The following ZFP41 variants were observed in gnomAD, a reference collection of about 807,000 sequenced individuals.
The protein encoded by ZFP41 is ZFP41 zinc finger protein.
ZFP41 carries 10 observed loss-of-function variants against 11.6 expected under a neutral mutation model. That is an observed-to-expected ratio of 0.86 (90% CI 0.53 to 1.47). The LOEUF (loss-of-function observed/expected upper bound fraction) is 1.47, where lower values mean the gene tolerates loss of function less well. ZFP41 is among the 40% of genes most tolerant of loss of function. The probability of loss-of-function intolerance (pLI) is 0.00; values close to 1 mark genes in which losing one functional copy is unlikely to be tolerated. For missense variants in ZFP41, 302 were observed against 264.6 expected (o/e 1.14, Z -0.98); for synonymous variants, 123 against 100.9 (o/e 1.22, Z -1.31).
intron 2 of ZFP41, among the ~76,000 whole-genome samples, chr8:143,255,344 C>T (rs1814880585): frequency 6.6e-6 from 1 of 152,244 alleles, no homozygotes; most frequent in South Asian, 2.1e-4. Flanking sequence ...TACGTGACGT[C>T]GTAAGCACAC....
At position 143,262,520 on chromosome 8, in the gene ZFP41, G is replaced by T. The variant is rs1227945912; in HGVS notation, c.*3646G>T. The T allele has an allele frequency of 6.6e-6, 1 of 152,306 alleles. No individual in the cohort carries two copies. The highest frequency in any genetic ancestry group is 2.4e-5 in the African/African-American group (1 of 41,472). The allele number at this position is 152,306 out of a possible 1,614,324, so 9.4% of individuals were successfully genotyped here. On this transcript the variant is annotated 3_prime_UTR_variant, in exon 3 of 3. Coordinates refer to ENST00000330701, the MANE Select transcript of ZFP41 (RefSeq NM_173832.6). ...CATCAGTCCTTGGTAAGTGTCCTGT[G>T]CATCTGGGATAAGCATCCGTTTGTT... is the stretch of plus-strand genomic sequence containing the variant.
At chr8:143,259,364 C>T (rs563721452) in intron 2 of ZFP41, among the ~76,000 whole-genome samples, 4 of 152,352 alleles carry the variant, frequency 2.6e-5, no homozygotes, top group African/African-American at 4.8e-5. Context: ...TCAGGAGAGA[C>T]GGGCCGGCAC....
Position 143,249,925 on chromosome 8 carries a change from GAGA to G in ZFP41, c.85_87del (p.Lys29del). On this transcript the variant is annotated inframe_deletion, in exon 2 of 3. Transcript: ENST00000330701. ...CGTGCAGAAGAGTGCGCTCAGAGAGGAGAAGGTGTCCGGGGACAGAAAGCCACC... is the reference window on the plus strand; with the variant it reads ...CGTGCAGAAGAGTGCGCTCAGAGAGGAGGTGTCCGGGGACAGAAAGCCACC... The G allele has an allele frequency of 1.2e-6, 2 of 1,613,928 alleles. No homozygotes were observed. Among genetic ancestry groups the G allele is most frequent in the African/African-American group, 1.3e-5 (1 of 75,056 alleles).
Position 143,250,204 on chromosome 8 carries a change from G to T in ZFP41, c.361G>T (p.Gly121Trp), listed in dbSNP as rs139727467. Residue 121 changes from glycine (G) to tryptophan (W), a missense_variant, in exon 2 of 3, where the codon GGG becomes TGG. Coordinates refer to ENST00000330701, the MANE Select transcript of ZFP41 (RefSeq NM_173832.6). ...GEKPFKCAQC[G>W]KAFRHSSDVT... ...GAAGCCCTTCAAGTGTGCGCAGTGC[G>T]GGAAGGCCTTCCGGCACAGCTCTGA... 1.9e-6 allele frequency: 3 copies of T among 1,614,038 alleles called. No homozygotes were observed. Among genetic ancestry groups the T allele is most frequent in the South Asian group, 2.2e-5 (2 of 91,086 alleles).
chr8:143,252,739 G>A (rs1814804103), intron 2 of ZFP41: 9 of 651,408 alleles, frequency 1.4e-5, no homozygotes, highest in South Asian at 1.4e-4. Context: ...CAGTCTTCCC[G>A]TGGGGCTCCC....
Position 143,247,030 on chromosome 8 carries a change from C to G in ZFP41, c.-267C>G, listed in dbSNP as rs1325933705. On this transcript the variant is annotated 5_prime_UTR_variant, in exon 1 of 3. Transcript: ENST00000330701. ...CATCTAGGGCTCTCCTTTCCTGCCT[C>G]CGGCCCCCGCGAGGGGCGCGCGCCT... The G allele has an allele frequency of 6.6e-6, 1 of 152,558 alleles. No individual in the cohort carries two copies. The highest frequency in any genetic ancestry group is 1.5e-5 in the Non-Finnish European group (1 of 68,292). The allele number at this position is 152,558 out of a possible 1,614,324, so 9.5% of individuals were successfully genotyped here.
chr8:143,255,742 T>A (rs13256509), intron 2 of ZFP41, among the ~76,000 whole-genome samples: 1 of 108,958 alleles, frequency 9.2e-6, no homozygotes, highest in Non-Finnish European at 1.8e-5. Flanking sequence ...CGCGTGCTGG[T>A]GTTAGTGAGA....
rs1481819834 is a variant in ZFP41 at position 143,250,546 on chromosome 8, A to G, written c.*106A>G. ...CTGATGGGGGCGCAGGGCCGTGCGC[A>G]CTGTGTTCCGTGCCCTGGGGACCCC... is the stretch of plus-strand genomic sequence containing the variant. On this transcript the variant is annotated 3_prime_UTR_variant, in exon 2 of 3. Transcript: ENST00000330701. The G allele has an allele frequency of 6.6e-7, 1 of 1,513,632 alleles. No individual in the cohort carries two copies. Among genetic ancestry groups the G allele is most frequent in the Non-Finnish European group, 8.8e-7 (1 of 1,131,242 alleles). 93.8% of individuals were successfully genotyped at this position (1,513,632 alleles called of 1,614,324 possible). A position where few individuals can be genotyped will look rare whatever the true frequency, so the allele number is the denominator to read the frequency against.
At chr8:143,256,858 C>A (rs1814925958) in intron 2 of ZFP41, among the ~76,000 whole-genome samples, 1 of 152,182 alleles carries the variant, frequency 6.6e-6, no homozygotes, top group Admixed American at 6.5e-5. Context: ...CTCCTGACGT[C>A]ACAGCAGGAC....
chr8:143,247,721 C>T (rs1014357503), intron 1 of ZFP41: 4 of 152,242 alleles, frequency 2.6e-5, no homozygotes, highest in Non-Finnish European at 5.9e-5. Context: ...TTGTAACTAG[C>T]TAATCACTCC....
At position 143,251,990 on chromosome 8, in the gene ZFP41, C is replaced by T. The variant is rs535213444; in HGVS notation, c.*900+650C>T. On this transcript the variant is annotated intron_variant, in intron 2 of 2. Coordinates refer to ENST00000330701, the MANE Select transcript of ZFP41 (RefSeq NM_173832.6). ...GGAGCCTGTTCCATGGCAGGGGGTC[C>T]TGAGTGCTGCCACTTGTAGTATCGT... is the stretch of plus-strand genomic sequence containing the variant. 3.3e-5 allele frequency among the ~76,000 whole-genome samples: 5 copies of T among 152,206 alleles called. No homozygotes were observed. In the South Asian group the frequency reaches 1.0e-3, roughly 31 times the overall value.
intron 2 of ZFP41, chr8:143,252,684 C>A: frequency 1.0e-6 from 1 of 959,856 alleles, no homozygotes; most frequent in Non-Finnish European, 1.2e-6. Flanking sequence ...GTACCTGCCT[C>A]TGTGATGACT....
chr8:143,249,603 C>T, intron 1 of ZFP41, 87 bp from the exon 2 acceptor site: 1 of 510,194 alleles, frequency 2.0e-6, no homozygotes, highest in Non-Finnish European at 3.3e-6. Context: ...TGGGGGAACA[C>T]ATGGGAAGGG....
Position 143,250,280 on chromosome 8 carries a change from G to A in ZFP41, c.437G>A (p.Gly146Glu), listed in dbSNP as rs764241370. 5 of 1,613,916 alleles carry A rather than the reference G, an allele frequency of 3.1e-6. No individual in the cohort carries two copies. In the East Asian group the frequency reaches 1.1e-4, roughly 36 times the overall value. Residue 146 changes from glycine to glutamate, a missense_variant, in exon 2 of 3, where the codon GGG becomes GAG. Coordinates refer to ENST00000330701, the MANE Select transcript of ZFP41 (RefSeq NM_173832.6). ...THTGEKPFKC[G>E]ECGKAFNCGS... ...ACGGGAGAGAAGCCCTTCAAATGCG[G>A]GGAGTGCGGGAAAGCCTTTAACTGC... is the stretch of plus-strand genomic sequence containing the variant.
intron 2 of ZFP41, among the ~76,000 whole-genome samples, chr8:143,258,552 C>T (rs990647777): frequency 6.6e-6 from 1 of 152,194 alleles, no homozygotes; most frequent in African/African-American, 2.4e-5. Context: ...TCCCAGCCAC[C>T]GTTACTTACC....
At chr8:143,247,348 A>G (rs1043151100) in intron 1 of ZFP41, 1 of 152,272 alleles carries the variant, frequency 6.6e-6, no homozygotes, top group Non-Finnish European at 1.5e-5. Flanking sequence ...AACTAGGAGC[A>G]CGCACGGGAC....
intron 2 of ZFP41, among the ~76,000 whole-genome samples, chr8:143,257,385 T>TAC: frequency 6.6e-6 from 1 of 152,140 alleles, no homozygotes; most frequent in East Asian, 1.9e-4. Context: ...TATTCCTAGC[T>TAC]ACTTGGGAGG....
chr8:143,254,581 T>G (rs1191464255), intron 2 of ZFP41, among the ~76,000 whole-genome samples: 1 of 151,730 alleles, frequency 6.6e-6, no homozygotes, highest in South Asian at 2.1e-4. Flanking sequence ...ATTTTACTTA[T>G]GATAGTATGA....
intron 2 of ZFP41, among the ~76,000 whole-genome samples, chr8:143,257,176 C>T (rs1404910665): frequency 6.6e-6 from 1 of 152,196 alleles, no homozygotes; most frequent in African/African-American, 2.4e-5. Flanking sequence ...AGGAGGGAAG[C>T]ACCCAGTGTA....
Sources: allele counts gnomAD v4.1 joint callset (sites outside exome capture counted in the v4.1 genomes callset), GRCh38; gene constraint gnomAD v4.1.1; transcripts MANE v1.5; gene names NCBI Gene and HGNC (gene_info 2026-07-23, HGNC 2026-07-21).